SKOR2: variants seen among roughly 807,000 people sequenced by gnomAD.
The protein encoded by SKOR2 is SKI family transcriptional corepressor 2, also known as LBX1 corepressor 1-like protein.
SKOR2 carries 47 observed loss-of-function variants against 69.1 expected under a neutral mutation model. The observed-to-expected ratio is 0.68, with a 90% CI of 0.54 to 0.87. SKOR2 has a LOEUF of 0.87. Ranked by LOEUF, SKOR2 falls within the 40% of genes least tolerant of loss-of-function variation. The pLI is 0.00. For missense variants in SKOR2, 1,404 were observed against 1,472.2 expected, an observed-to-expected ratio of 0.95 and a Z score of 0.76; for synonymous variants, 717 against 672.6, an observed-to-expected ratio of 1.07 and a Z score of -1.02.
intron 4 of SKOR2, among the ~76,000 whole-genome samples, chr18:47,237,899 A>C (rs912037761): frequency 6.6e-6 from 1 of 152,026 alleles, no homozygotes; most frequent in Non-Finnish European, 1.5e-5. Context: ...TCTGGTCTCG[A>C]ACTCCTGGGC....
Position 47,245,495 on chromosome 18 carries a change from T to TTTTTTTTTTTTTTTTG in SKOR2, c.2677+2_2677+3insCAAAAAAAAAAAAAAA. On this transcript the variant is annotated splice_region_variant and intron_variant, in intron 3 of 8. Coordinates refer to ENST00000425639, the MANE Select transcript of SKOR2 (RefSeq NM_001278063.4). Reference sequence around the variant, plus strand: ...GGCAGCTGATTTTTTTTTTTTTTTTTACCTGAAAAGCTGTTGTCATCCTTT... The same window carrying TTTTTTTTTTTTTTTTG: ...GGCAGCTGATTTTTTTTTTTTTTTTTTTTTTTTTTTTTTTTGACCTGAAAAGCTGTTGTCATCCTTT... 1 of 1,470,348 alleles carries TTTTTTTTTTTTTTTTG rather than the reference T, an allele frequency of 6.8e-7. No individual in the cohort carries two copies. Among genetic ancestry groups the TTTTTTTTTTTTTTTTG allele is most frequent in the East Asian group, 2.5e-5 (1 of 39,890 alleles). The allele number at this position is 1,470,348 out of a possible 1,614,324, so 91.1% of individuals were successfully genotyped here.
At chr18:47,209,716 A>AAAGGGG (rs1339712196) in intron 8 of SKOR2, among the ~76,000 whole-genome samples, 3 of 152,122 alleles carry the variant, frequency 2.0e-5, no homozygotes, top group Non-Finnish European at 4.4e-5. Flanking sequence ...TGTAGGTGCA[A>AAAGGGG]AATGGGCTCA....
In SKOR2 at chr18:47,244,888, C is replaced by T; in HGVS notation, c.2752+20G>A. The T allele has an allele frequency of 6.5e-7, 1 of 1,533,258 alleles. No homozygotes were observed. Among genetic ancestry groups the T allele is most frequent in the Admixed American group, 2.0e-5 (1 of 50,810 alleles). The allele number at this position is 1,533,258 out of a possible 1,614,324, so 95.0% of individuals were successfully genotyped here. On this transcript the variant is annotated intron_variant, in intron 4 of 8. Transcript: ENST00000425639. ...CCCTGTCATCTGACTATTCATTCCTCTTATTTGTTCCCAGCCTACCTGATC... is the reference window on the plus strand; with the variant it reads ...CCCTGTCATCTGACTATTCATTCCTTTTATTTGTTCCCAGCCTACCTGATC...
Position 47,247,444 on chromosome 18 carries a change from C to T in SKOR2, c.1740G>A (p.Val580=). ...CCGCGGCCCCTGCCCCGGCAGCTGCCACAGAGTCCGCGGGCGGCGTGGAGC... is the reference window on the plus strand; with the variant it reads ...CCGCGGCCCCTGCCCCGGCAGCTGCTACAGAGTCCGCGGGCGGCGTGGAGC... ...SAGSTPPADS[V]AAAGAGAAAA... is the part of the protein sequence containing the mutation. Residue 580 remains valine (V), a synonymous_variant, in exon 2 of 9, where the codon GTG becomes GTA. Transcript: ENST00000425639. This position sits in a 1 kb window ranked among gnomAD's most constrained non-coding sequence, Gnocchi z 6.6. 3 of 1,264,282 alleles carry T rather than the reference C, an allele frequency of 2.4e-6. No homozygotes were observed. Among genetic ancestry groups the T allele is most frequent in the South Asian group, 2.7e-5 (1 of 36,946 alleles). 78.3% of individuals were successfully genotyped at this position (1,264,282 alleles called of 1,614,324 possible). A position where few individuals can be genotyped will look rare whatever the true frequency, so the allele number is the denominator to read the frequency against.
intron 7 of SKOR2, among the ~76,000 whole-genome samples, chr18:47,218,090 T>C (rs891284676): frequency 2.6e-5 from 4 of 152,282 alleles, no homozygotes; most frequent in Non-Finnish European, 4.4e-5. Context: ...GCTTAGTACA[T>C]GGAGACAATA....
In SKOR2 at chr18:47,247,626, C is replaced by A; in HGVS notation, c.1558G>T (p.Ala520Ser). The part of the protein sequence containing the change: ...FLDLAEPGGA[A>S]GSAEAAPPPG... ...GGGGGCGCGGCCTCGGCGCTCCCAG[C>A]AGCACCGCCTGGCTCAGCCAGGTCC... The change falls in exon 2 of 9, where the codon GCT becomes TCT. Residue 520 changes from alanine to serine, a missense_variant. Coordinates refer to ENST00000425639, the MANE Select transcript of SKOR2 (RefSeq NM_001278063.4). This position sits in a 1 kb window ranked among gnomAD's most constrained non-coding sequence, Gnocchi z 6.6. 1 of 1,329,920 alleles carries A rather than the reference C, an allele frequency of 7.5e-7. No homozygotes were observed. The highest frequency in any genetic ancestry group is 9.6e-7 in the Non-Finnish European group (1 of 1,043,500). The allele number at this position is 1,329,920 out of a possible 1,614,324, so 82.4% of individuals were successfully genotyped here.
rs1600053452 is a variant in SKOR2, at chr18:47,248,853, A to C, written c.331T>G (p.Ser111Ala). ...ILRRAGAMPI[S>A]SRRCGMITKR... ...GTGATCATGCCGCAGCGGCGCGATGAGATGGGCATGGCCCCGGCACGCCGC... is the reference window on the plus strand; with the variant it reads ...GTGATCATGCCGCAGCGGCGCGATGCGATGGGCATGGCCCCGGCACGCCGC... Residue 111 changes from serine (S) to alanine (A), a missense_variant, in exon 2 of 9, where the codon TCA (serine) becomes GCA (alanine). Coordinates refer to ENST00000425639, the MANE Select transcript of SKOR2 (RefSeq NM_001278063.4). The surrounding 1 kb of genome is among the most constrained non-coding windows in gnomAD (Gnocchi z 6.4). The C allele has an allele frequency of 6.4e-7, 1 of 1,564,408 alleles. No individual in the cohort carries two copies. The highest frequency in any genetic ancestry group is 8.6e-7 in the Non-Finnish European group (1 of 1,162,816).
chr18:47,228,723 A>G (rs2064187208), intron 6 of SKOR2, among the ~76,000 whole-genome samples: 1 of 152,218 alleles, frequency 6.6e-6, no homozygotes, highest in African/African-American at 2.4e-5. Context: ...TTCTTAAGAT[A>G]CAGTTTCAAA....
Position 47,247,255 on chromosome 18 carries a change from C to A in SKOR2, c.1929G>T (p.Ser643=), listed in dbSNP as rs1351350061. 4.7e-6 allele frequency: 7 copies of A among 1,473,872 alleles called. No homozygotes were observed. Among genetic ancestry groups the A allele is most frequent in the Non-Finnish European group, 5.4e-6 (6 of 1,117,862 alleles). The allele number at this position is 1,473,872 out of a possible 1,614,324, so 91.3% of individuals were successfully genotyped here. The change falls in exon 2 of 9, where the codon TCG becomes TCT. Residue 643 remains serine, a synonymous_variant. Transcript: ENST00000425639. The surrounding 1 kb of genome is among the most constrained non-coding windows in gnomAD (Gnocchi z 6.6). ...AESLAKLHGA[S]AGAPHSAQTH... ...TCTGGGCCGAGTGGGGCGCGCCCGC[C>A]GACGCCCCGTGCAGCTTGGCCAGGC...
chr18:47,236,193 G>A (rs1228265676), intron 4 of SKOR2, among the ~76,000 whole-genome samples: 2 of 152,148 alleles, frequency 1.3e-5, no homozygotes, highest in Non-Finnish European at 2.9e-5. Flanking sequence ...GTTTCACCAT[G>A]TTGCCCAGGC....
chr18:47,246,747 C>T lies in SKOR2; in HGVS notation c.2437G>A (p.Gly813Ser). The change falls in exon 2 of 9, where the codon GGC (glycine) becomes AGC (serine). Residue 813 changes from glycine to serine, a missense_variant. Transcript: ENST00000425639. ...APAVAGAFPL[G>S]LNSSRLLQED... is the part of the protein sequence containing the mutation. ...TGCAGCAGCCTGGAGGAGTTCAGGCCGAGCGGGAACGCGCCCGCGACGGCC... is the reference window on the plus strand; with the variant it reads ...TGCAGCAGCCTGGAGGAGTTCAGGCTGAGCGGGAACGCGCCCGCGACGGCC... 2.1e-6 allele frequency: 3 copies of T among 1,408,136 alleles called. No individual in the cohort carries two copies. The highest frequency in any genetic ancestry group is 2.7e-6 in the Non-Finnish European group (3 of 1,091,818). 87.2% of individuals were successfully genotyped at this position (1,408,136 alleles called of 1,614,324 possible). A position where few individuals can be genotyped will look rare whatever the true frequency, so the allele number is the denominator to read the frequency against.
At chr18:47,236,179 C>T (rs149563129) in intron 4 of SKOR2, among the ~76,000 whole-genome samples, 4,909 of 152,086 alleles carry the variant, frequency 0.032, 261 homozygotes, top group African/African-American at 0.11. Flanking sequence ...TTTGTAGAGA[C>T]GGGGTTTCAC....
chr18:47,245,903 T>A (rs1028703990), intron 2 of SKOR2, among the ~76,000 whole-genome samples: 1 of 152,020 alleles, frequency 6.6e-6, no homozygotes, highest in Non-Finnish European at 1.5e-5. Flanking sequence ...TCCTCCAGAG[T>A]GTTTTCTGTG....
chr18:47,219,999 C>A lies in SKOR2; in HGVS notation c.2929G>T (p.Asp977Tyr), dbSNP rs1449480499. The change falls in exon 7 of 9, where the codon GAT becomes TAT. Residue 977 changes from aspartate (D) to tyrosine (Y), a missense_variant. Physicochemically the swap from Asp to Tyr is radical, Grantham distance 160. Coordinates refer to ENST00000425639, the MANE Select transcript of SKOR2 (RefSeq NM_001278063.4). Reference protein sequence around the residue: ...TSFPVFNNFQDQMKRELAYRE... With the variant: ...TSFPVFNNFQYQMKRELAYRE... ...TAGGCTAGCTCCCTTTTCATCTGAT[C>A]CTGAAAATTATCTGGTAGGAGAGAG... The A allele has an allele frequency of 1.3e-6, 2 of 1,535,242 alleles. No individual in the cohort carries two copies. The highest frequency in any genetic ancestry group is 8.7e-7 in the Non-Finnish European group (1 of 1,146,488).
intron 4 of SKOR2, among the ~76,000 whole-genome samples, chr18:47,231,545 T>A (rs1347274070): frequency 6.6e-6 from 1 of 152,024 alleles, no homozygotes; most frequent in East Asian, 1.9e-4. Context: ...TTGTTTTTTT[T>A]TAAAAAAAAC....
chr18:47,234,585 A>T (rs1322458277), intron 4 of SKOR2: 1 of 152,100 alleles, frequency 6.6e-6, no homozygotes, highest in East Asian at 1.9e-4. Context: ...GGTGAGCCAG[A>T]TGTGGTGGCT....
chr18:47,244,236 T>C (rs1384407852), intron 4 of SKOR2, among the ~76,000 whole-genome samples: 1 of 152,150 alleles, frequency 6.6e-6, no homozygotes, highest in Non-Finnish European at 1.5e-5. Context: ...ACAGGCAAAT[T>C]TGCAGACATT....
chr18:47,241,180 C>T (rs1445222063), intron 4 of SKOR2, among the ~76,000 whole-genome samples: 1 of 152,130 alleles, frequency 6.6e-6, no homozygotes, highest in Non-Finnish European at 1.5e-5. Context: ...ACTTATTATA[C>T]AGTAGGCATT....
chr18:47,216,179 A>G (rs977873102), intron 7 of SKOR2, among the ~76,000 whole-genome samples: 4 of 152,180 alleles, frequency 2.6e-5, no homozygotes, highest in Admixed American at 2.6e-4. Flanking sequence ...GAAATCCTTT[A>G]CCCTTTATTA....
Sources: allele counts gnomAD v4.1 joint callset (sites outside exome capture counted in the v4.1 genomes callset), GRCh38; gene constraint gnomAD v4.1.1; non-coding constraint Gnocchi (gnomAD v3.1); transcripts MANE v1.5; gene names NCBI Gene and HGNC (gene_info 2026-07-23, HGNC 2026-07-21).